Variants in UVRAG observed in about 807,000 individuals in gnomAD.
The protein encoded by UVRAG is UV radiation resistance associated.
A neutral mutation model predicts 78.0 loss-of-function variants in UVRAG; 19 were observed. The observed-to-expected ratio is 0.24, with a 90% CI of 0.17 to 0.36. The LOEUF is 0.36. Ranked by LOEUF, UVRAG falls within the 10% of genes least tolerant of loss-of-function variation. The pLI is 1.00. For missense variants in UVRAG, 740 were observed against 853.8 expected (o/e 0.87, Z 1.66); for synonymous variants, 323 against 324.6 (o/e 1.00, Z 0.05).
chr11:76,143,528 A>C lies in UVRAG; in HGVS notation c.*2115A>C, dbSNP rs1952759114. 6.6e-6 allele frequency among the ~76,000 whole-genome samples: 1 copy of C among 152,248 alleles called. No individual in the cohort carries two copies. The highest frequency in any genetic ancestry group is 1.5e-5 in the Non-Finnish European group (1 of 68,050). The stretch of plus-strand genomic sequence containing the variant: ...GCTCTTGAATGTCATCGGGCTGCTC[A>C]GAGCTGATTGCTAGGTGCCTACACA... On this transcript the variant is annotated 3_prime_UTR_variant, in exon 15 of 15. Coordinates refer to ENST00000356136, the MANE Select transcript of UVRAG (RefSeq NM_003369.4).
At chr11:75,897,736 C>G (rs1156594180) in intron 5 of UVRAG, among the ~76,000 whole-genome samples, 20 of 151,978 alleles carry the variant, frequency 1.3e-4, no homozygotes. Context: ...GTTGTCCAGG[C>G]TGGTCTCGAA....
intron 12 of UVRAG, among the ~76,000 whole-genome samples, chr11:76,021,282 G>A (rs543488553): frequency 1.2e-4 from 18 of 152,256 alleles, no homozygotes; most frequent in South Asian, 2.1e-4. Context: ...GGGAACAATC[G>A]GTGAAAGCAT....
intron 4 of UVRAG, among the ~76,000 whole-genome samples, chr11:75,887,437 G>A (rs1947105331): frequency 6.9e-6 from 1 of 145,698 alleles, no homozygotes. Context: ...GAACCAGCGT[G>A]CCTGGCGCAG....
chr11:76,102,235 C>T (rs535280638), intron 13 of UVRAG, among the ~76,000 whole-genome samples: 12 of 151,986 alleles, frequency 7.9e-5, no homozygotes, highest in Non-Finnish European at 1.3e-4. Context: ...TCTCCATTTG[C>T]GTCATCTTGA....
intron 3 of UVRAG, among the ~76,000 whole-genome samples, chr11:75,874,269 G>GA (rs371221850): frequency 0.063 from 9,256 of 146,930 alleles, 365 homozygotes; most frequent in African/African-American, 0.12. Flanking sequence ...GGTAGAAAGA[G>GA]AAAAAAAAAA....
At chr11:75,830,434 T>C (rs541091324) in intron 1 of UVRAG, among the ~76,000 whole-genome samples, 2 of 152,238 alleles carry the variant, frequency 1.3e-5, no homozygotes, top group South Asian at 2.1e-4. Flanking sequence ...CATGCCCGGC[T>C]AACTTTTTTT....
At chr11:76,030,985 G>C (rs2135399840) in intron 12 of UVRAG, among the ~76,000 whole-genome samples, 1 of 152,290 alleles carries the variant, frequency 6.6e-6, no homozygotes, top group East Asian at 1.9e-4. Context: ...CTTGGTGTCA[G>C]ACTTCCCTGA....
intron 12 of UVRAG, among the ~76,000 whole-genome samples, chr11:76,060,738 C>G (rs143386213): frequency 6.6e-6 from 1 of 152,206 alleles, no homozygotes; most frequent in African/African-American, 2.4e-5. Context: ...TGCTGGGTCC[C>G]CCAGCAGTGC....
At chr11:75,861,832 C>T (rs997516930) in intron 3 of UVRAG, 52 bp downstream of exon 3, 3 of 1,420,606 alleles carry the variant, frequency 2.1e-6, no homozygotes, top group Admixed American at 1.9e-5. Flanking sequence ...CACCTGTTTT[C>T]AGAAAATGCA....
rs398045280 is a variant in UVRAG at position 76,003,257 on chromosome 11, A to ATTTTTT, written c.827-722_827-717dup. Among the ~76,000 whole-genome samples, 46 of 53,784 alleles carry ATTTTTT rather than the reference A, an allele frequency of 8.6e-4. 2 individuals carry two copies. The highest frequency in any genetic ancestry group is 3.2e-3 in the African/African-American group (41 of 12,898). The allele number at this position is 53,784 out of a possible 152,430, so 35.3% of individuals were successfully genotyped here. A position where few individuals can be genotyped will look rare whatever the true frequency, so the allele number is the denominator to read the frequency against. On this transcript the variant is annotated intron_variant, in intron 8 of 14. Coordinates refer to ENST00000356136, the MANE Select transcript of UVRAG (RefSeq NM_003369.4). ...CACTATGATTTTCACGAAAATACTG[A>ATTTTTT]TTTTTTTTTTTTTTTTTTTTTTTTT...
In UVRAG at chr11:75,891,514, A is replaced by T. The variant is rs192578711; in HGVS notation, c.507+2611A>T. 3.2e-4 allele frequency among the ~76,000 whole-genome samples: 49 copies of T among 152,300 alleles called. No individual in the cohort carries two copies. In the East Asian group the frequency reaches 5.6e-3, roughly 17 times the overall value. ...CAAACACTGTAAGAGCTTCACATCT[A>T]TTATTGTATTTAATACCCCAAGAAC... On this transcript the variant is annotated intron_variant, in intron 5 of 14. Coordinates refer to ENST00000356136, the MANE Select transcript of UVRAG (RefSeq NM_003369.4).
At chr11:75,824,306 A>G (rs374306714) in intron 1 of UVRAG, among the ~76,000 whole-genome samples, 3 of 152,332 alleles carry the variant, frequency 2.0e-5, no homozygotes, top group Non-Finnish European at 2.9e-5. Context: ...TTAAGATATC[A>G]GCATCTTGAA....
At chr11:75,959,627 C>A (rs552494535) in intron 6 of UVRAG, among the ~76,000 whole-genome samples, 1 of 152,184 alleles carries the variant, frequency 6.6e-6, no homozygotes, top group African/African-American at 2.4e-5. Context: ...GGCTGTTTTA[C>A]TTTCTTATCA....
At chr11:75,875,631 T>C (rs561631861) in intron 3 of UVRAG, among the ~76,000 whole-genome samples, 1 of 150,946 alleles carries the variant, frequency 6.6e-6, no homozygotes, top group Admixed American at 6.6e-5. Context: ...TTTTTTTTTT[T>C]CATATTGGTC....
chr11:75,955,780 C>T (rs1948784770), intron 6 of UVRAG, among the ~76,000 whole-genome samples: 6 of 152,142 alleles, frequency 3.9e-5, no homozygotes, highest in Admixed American at 2.6e-4. Flanking sequence ...TCCAGCTACT[C>T]AGAAGGCTGA....
intron 3 of UVRAG, among the ~76,000 whole-genome samples, chr11:75,868,339 GTGGTT>G (rs1946578884): frequency 6.6e-6 from 1 of 152,212 alleles, no homozygotes; most frequent in African/African-American, 2.4e-5. Context: ...GTGAGCAGAG[GTGGTT>G]TGAGGTGTTG....
At chr11:76,115,737 T>C (rs1952165674) in intron 13 of UVRAG, among the ~76,000 whole-genome samples, 187 bp from the exon 14 acceptor site, 1 of 152,200 alleles carries the variant, frequency 6.6e-6, no homozygotes, top group Admixed American at 6.5e-5. Context: ...TGGGTGTGCA[T>C]ACTCATACAC....
intron 1 of UVRAG, among the ~76,000 whole-genome samples, chr11:75,850,024 G>A (rs1275478157): frequency 6.6e-6 from 1 of 151,908 alleles, no homozygotes; most frequent in Non-Finnish European, 1.5e-5. Context: ...GCCACTTGGT[G>A]TTCACACCAT....
chr11:75,853,250 T>G (rs1182307989), intron 2 of UVRAG, among the ~76,000 whole-genome samples: 2 of 141,526 alleles, frequency 1.4e-5, no homozygotes, highest in African/African-American at 6.1e-5. Flanking sequence ...GCAGTGATTG[T>G]TTAACAACTT....
Sources: allele counts gnomAD v4.1 joint callset (sites outside exome capture counted in the v4.1 genomes callset), GRCh38; gene constraint gnomAD v4.1.1; transcripts MANE v1.5; gene names NCBI Gene and HGNC (gene_info 2026-07-23, HGNC 2026-07-21).